Variants in DENND1B observed in about 807,000 individuals in gnomAD.
DENND1B encodes DENN domain containing 1B.
In DENND1B, 59 loss-of-function variants were observed where a neutral mutation model predicts 90.1. The ratio of observed to expected loss-of-function variants is 0.65; its 90% confidence interval spans 0.53 to 0.81. The LOEUF is 0.81. Among genes scored for constraint, DENND1B ranks in the 40% least tolerant of loss-of-function variants. DENND1B has a pLI of 0.00. For synonymous variants in DENND1B, 337 were observed against 324.6 expected (o/e 1.04, Z -0.41); for missense variants, 862 against 912.6 (o/e 0.94, Z 0.71).
intron 12 of DENND1B, among the ~76,000 whole-genome samples, chr1:197,610,074 TA>T (rs1677043282): frequency 6.6e-6 from 1 of 150,768 alleles, no homozygotes; most frequent in South Asian, 2.1e-4. Flanking sequence ...CCAATTGTTT[TA>T]AAAGAATTCC....
At chr1:197,606,405 A>C (rs1156245991) in intron 13 of DENND1B, 2 of 151,290 alleles carry the variant, frequency 1.3e-5, no homozygotes, top group Non-Finnish European at 3.0e-5. Context: ...TTTGCAGTTT[A>C]ATTTACAAAT....
At chr1:197,776,256 T>TA (rs1657263416), upstream of DENND1B, among the ~76,000 whole-genome samples, 1 of 152,210 alleles carries the variant, frequency 6.6e-6, no homozygotes, top group Non-Finnish European at 1.5e-5. Context: ...GTGTGATAGA[T>TA]ACTTTCATCA....
chr1:197,596,469 GTTTTA>G (rs899921191), intron 13 of DENND1B, among the ~76,000 whole-genome samples: 1 of 151,716 alleles, frequency 6.6e-6, no homozygotes, highest in African/African-American at 2.4e-5. Context: ...TAACAATTCT[GTTTTA>G]TTTAGAAAAA....
chr1:197,595,657 G>A (rs1008288770), intron 13 of DENND1B, among the ~76,000 whole-genome samples: 4 of 152,004 alleles, frequency 2.6e-5, no homozygotes, highest in Admixed American at 2.6e-4. Flanking sequence ...TACAACATGT[G>A]TCTACTTGTT....
At chr1:197,537,485 T>A (rs1342233297) in intron 20 of DENND1B, among the ~76,000 whole-genome samples, 2 of 152,136 alleles carry the variant, frequency 1.3e-5, no homozygotes, top group Non-Finnish European at 2.9e-5. Context: ...TCTATCAGAA[T>A]GTACAGTGTG....
chr1:197,741,203 T>C (rs1313152526), intron 2 of DENND1B, among the ~76,000 whole-genome samples: 4 of 152,128 alleles, frequency 2.6e-5, no homozygotes, highest in African/African-American at 4.8e-5. Flanking sequence ...AAAAATAACA[T>C]CTCCTGCCAG....
At chr1:197,544,941 G>GAAGAA (rs1558222388) in intron 18 of DENND1B, among the ~76,000 whole-genome samples, 21 of 286 alleles carry the variant, frequency 0.073, 3 homozygotes, top group Admixed American at 0.17. Context: ...AGAAGAAGAA[G>GAAGAA]GGAGAAGAGA....
intron 13 of DENND1B, among the ~76,000 whole-genome samples, chr1:197,599,938 A>C (rs887863165): frequency 1.2e-4 from 18 of 151,790 alleles, no homozygotes; most frequent in Non-Finnish European, 2.2e-4. Flanking sequence ...GCCCCTGCCT[A>C]TCTCTACTAT....
intron 2 of DENND1B, among the ~76,000 whole-genome samples, chr1:197,762,256 G>A (rs1039156589): frequency 6.6e-6 from 1 of 151,900 alleles, no homozygotes; most frequent in Non-Finnish European, 1.5e-5. Flanking sequence ...ACACCAAAAG[G>A]CTTATTAGTC....
At chr1:197,722,383 A>G (rs560301510) in intron 2 of DENND1B, among the ~76,000 whole-genome samples, 1 of 152,204 alleles carries the variant, frequency 6.6e-6, no homozygotes, top group Non-Finnish European at 1.5e-5. Flanking sequence ...CTTCTTATAT[A>G]ACATCCTTTC....
intron 16 of DENND1B, among the ~76,000 whole-genome samples, chr1:197,550,309 A>C (rs1038903984): frequency 1.3e-5 from 2 of 152,134 alleles, no homozygotes. Context: ...AAAAAACAGT[A>C]TATCTTTGAA....
chr1:197,539,984 C>T lies in DENND1B; in HGVS notation c.1495G>A (p.Glu499Lys). The change falls in exon 20 of 23, where the codon GAA (glutamate) becomes AAA (lysine). Residue 499 changes from glutamate to lysine, a missense_variant. Glu to Lys is a moderately conservative substitution (Grantham distance 56). Coordinates refer to ENST00000620048, the MANE Select transcript of DENND1B (RefSeq NM_001195215.2). ...KLHNEKGGNS[E>K]KRKLAQARLK... ...CTTACCTGAGCAAGCTTACGCTTTT[C>T]TGAGTTTCCTCCCTTTTCATTGTGT... is the stretch of plus-strand genomic sequence containing the variant. The T allele has an allele frequency of 6.2e-7, 1 of 1,613,122 alleles. No homozygotes were observed. Among genetic ancestry groups the T allele is most frequent in the Non-Finnish European group, 8.5e-7 (1 of 1,179,394 alleles).
intron 10 of DENND1B, among the ~76,000 whole-genome samples, chr1:197,628,764 T>C (rs1489156725): frequency 3.3e-5 from 5 of 151,884 alleles, no homozygotes; most frequent in East Asian, 1.9e-4. Context: ...AGAAAATTTT[T>C]GCAACCTACT....
At chr1:197,743,104 G>T (rs1257310802) in intron 2 of DENND1B, among the ~76,000 whole-genome samples, 2 of 152,260 alleles carry the variant, frequency 1.3e-5, no homozygotes, top group Non-Finnish European at 2.9e-5. Context: ...GACAAGGGAA[G>T]TAATCATTAA....
At chr1:197,552,219 C>T in intron 16 of DENND1B, 1 of 983,152 alleles carries the variant, frequency 1.0e-6, no homozygotes, top group Non-Finnish European at 1.2e-6. Context: ...TAAAAAATTG[C>T]TATTATACCA....
chr1:197,713,775 T>TATTATATTATTATAA (rs1342968102), intron 3 of DENND1B, among the ~76,000 whole-genome samples: 35 of 14,442 alleles, frequency 2.4e-3, no homozygotes, highest in Middle Eastern at 0.05. Context: ...TATTATATTA[T>TATTATATTATTATAA]TATATTATAT....
At chr1:197,769,931 A>G (rs1656193779) in intron 2 of DENND1B, among the ~76,000 whole-genome samples, 1 of 152,172 alleles carries the variant, frequency 6.6e-6, no homozygotes, top group Non-Finnish European at 1.5e-5. Flanking sequence ...AATATTACAG[A>G]AACATAAATC....
chr1:197,629,642 C>T (rs1409051825), intron 10 of DENND1B, among the ~76,000 whole-genome samples: 1 of 151,630 alleles, frequency 6.6e-6, no homozygotes, highest in Non-Finnish European at 1.5e-5. Context: ...CTAAGCTGCA[C>T]ATTGTGCACA....
intron 10 of DENND1B, among the ~76,000 whole-genome samples, chr1:197,627,626 G>A (rs1433643282): frequency 6.6e-6 from 1 of 151,996 alleles, no homozygotes; most frequent in African/African-American, 2.4e-5. Context: ...CACAAGACAG[G>A]GATGCCCTCT....
Sources: allele counts gnomAD v4.1 joint callset (sites outside exome capture counted in the v4.1 genomes callset), GRCh38; gene constraint gnomAD v4.1.1; transcripts MANE v1.5; gene names NCBI Gene and HGNC (gene_info 2026-07-23, HGNC 2026-07-21).